Variants in PLK5 observed in about 807,000 individuals in gnomAD.
The protein encoded by PLK5 is polo like kinase 5 (inactive), also known as inactive serine/threonine-protein kinase PLK5.
Under a neutral mutation model 33.7 loss-of-function variants are expected in PLK5, and 28 were observed. That is an observed-to-expected ratio of 0.83 (90% CI 0.62 to 1.14). The LOEUF is 1.14. PLK5 is among the 50% of genes most tolerant of loss of function. The pLI, the probability that PLK5 is intolerant of heterozygous loss-of-function variation, is 0.00. For missense variants in PLK5, 492 were observed against 461.5 expected, an observed-to-expected ratio of 1.07 and a Z score of -0.61; for synonymous variants, 225 against 202.2, an observed-to-expected ratio of 1.11 and a Z score of -0.96.
At chr19:1,529,669 G>C in intron 10 of PLK5, 78 bp from the exon 11 acceptor site, 2 of 1,451,898 alleles carry the variant, frequency 1.4e-6, no homozygotes, top group Non-Finnish European at 1.9e-6. Context: ...GGATGGAGCC[G>C]TGGGGAGGGG....
chr19:1,532,408 G>A (rs1913957130), intron 12 of PLK5, among the ~76,000 whole-genome samples: 1 of 151,916 alleles, frequency 6.6e-6, no homozygotes, highest in Non-Finnish European at 1.5e-5. Flanking sequence ...GCGTGGTGGT[G>A]CACACCGGTA....
chr19:1,528,066 C>T lies in PLK5; in HGVS notation c.133C>T (p.Leu45Phe), dbSNP rs1177689571. Residue 45 changes from leucine (L) to phenylalanine (F), a missense_variant, in exon 7 of 14, where the codon CTC (leucine) becomes TTC (phenylalanine). Leu to Phe is a conservative substitution (Grantham distance 22). Transcript: ENST00000454744. ...SANARRLIVH[L>F]LAPNPAERPS... ...CAATGCGCGCCGCCTCATCGTGCACCTCCTAGCACCCAACCCGGCCGAGCG... is the reference window on the plus strand; with the variant it reads ...CAATGCGCGCCGCCTCATCGTGCACTTCCTAGCACCCAACCCGGCCGAGCG... The T allele has an allele frequency of 5.9e-6, 9 of 1,535,980 alleles. No individual in the cohort carries two copies. Among genetic ancestry groups the T allele is most frequent in the Non-Finnish European group, 7.8e-6 (9 of 1,146,868 alleles).
Position 1,527,919 on chromosome 19 carries a change from C to T in PLK5, c.3-17C>T, listed in dbSNP as rs1205913851. On this transcript the variant is annotated splice_polypyrimidine_tract_variant and intron_variant, in intron 6 of 13. Coordinates refer to ENST00000454744, the MANE Select transcript of PLK5 (RefSeq NM_001243079.2). ...CGATGCCTGGACACCCAGGTTCTTG[C>T]CCCCCACCTGGCCCAGGTACACGGT... is the stretch of plus-strand genomic sequence containing the variant. The T allele has an allele frequency of 1.3e-6, 2 of 1,528,536 alleles. No homozygotes were observed. The highest frequency in any genetic ancestry group is 1.8e-6 in the Non-Finnish European group (2 of 1,141,750). The allele number at this position is 1,528,536 out of a possible 1,614,324, so 94.7% of individuals were successfully genotyped here.
At position 1,534,049 on chromosome 19, in the gene PLK5, C is replaced by T. The variant is rs767645700; in HGVS notation, c.825+8C>T. The T allele has an allele frequency of 9.6e-5, 147 of 1,533,280 alleles. 1 individual carries two copies. The African/African-American group carries it at 9.9e-4, about 10-fold the overall frequency. The allele number at this position is 1,533,280 out of a possible 1,614,324, so 95.0% of individuals were successfully genotyped here. On this transcript the variant is annotated splice_region_variant and intron_variant, in intron 13 of 13. Coordinates refer to ENST00000454744, the MANE Select transcript of PLK5 (RefSeq NM_001243079.2). ...AGCAATGGGATGGTGCAGGTGAGCC[C>T]GGGGCTCAAACTCGGGGCACTGGGG...
At chr19:1,531,963 G>A in intron 12 of PLK5, 80 bp downstream of exon 12, 3 of 1,395,018 alleles carry the variant, frequency 2.2e-6, no homozygotes, top group Non-Finnish European at 2.8e-6. Context: ...TATTTATTAA[G>A]CACCTACTGT....
rs1447583415 is a variant in PLK5 at position 1,536,031 on chromosome 19, C to G, written c.*781C>G. ...GGGACACAGTTGGCACAACCGTCAC[C>G]TGTGCTGCCCTGGGGTGGACGGTGC... On this transcript the variant is annotated 3_prime_UTR_variant, in exon 14 of 14. Transcript: ENST00000454744. The G allele has an allele frequency of 6.6e-6, 1 of 152,346 alleles. No homozygotes were observed. The highest frequency in any genetic ancestry group is 1.5e-5 in the Non-Finnish European group (1 of 68,206). 9.4% of individuals were successfully genotyped at this position (152,346 alleles called of 1,614,324 possible). A position where few individuals can be genotyped will look rare whatever the true frequency, so the allele number is the denominator to read the frequency against.
chr19:1,532,280 C>G (rs935539121), intron 12 of PLK5, among the ~76,000 whole-genome samples: 1 of 152,088 alleles, frequency 6.6e-6, no homozygotes, highest in African/African-American at 2.4e-5. Context: ...GTGGCACACA[C>G]CTATAATCCT....
Position 1,535,329 on chromosome 19 carries a change from A to AG in PLK5, c.*80dup. ...CCATTTCCATTCCTGTGGCTCCCCC[A>AG]GAGGGGCTGTCCTGGGGGAGGGCTG... On this transcript the variant is annotated 3_prime_UTR_variant, in exon 14 of 14. Coordinates refer to ENST00000454744, the MANE Select transcript of PLK5 (RefSeq NM_001243079.2). 6.9e-7 allele frequency: 1 copy of AG among 1,440,714 alleles called. No homozygotes were observed. Among genetic ancestry groups the AG allele is most frequent in the Non-Finnish European group, 9.2e-7 (1 of 1,082,710 alleles). The allele number at this position is 1,440,714 out of a possible 1,614,324, so 89.2% of individuals were successfully genotyped here.
chr19:1,530,233 C>T (rs1393856428), intron 11 of PLK5, among the ~76,000 whole-genome samples: 7 of 152,128 alleles, frequency 4.6e-5, no homozygotes, highest in Non-Finnish European at 1.0e-4. Flanking sequence ...CATACTGCCA[C>T]CCTTAGAGAG....
chr19:1,527,830 G>A (rs902629041), intron 6 of PLK5, 106 bp from the exon 7 acceptor site: 26 of 1,160,574 alleles, frequency 2.2e-5, no homozygotes, highest in South Asian at 4.5e-5. Context: ...TGAGGAAGCC[G>A]ATATGGGTTG....
At chr19:1,534,463 C>T (rs1415836122) in intron 13 of PLK5, among the ~76,000 whole-genome samples, 5 of 145,186 alleles carry the variant, frequency 3.4e-5, no homozygotes, top group South Asian at 4.3e-4. Context: ...GCCGAGATCA[C>T]GCCACAGCAC....
At chr19:1,527,134 A>G (rs2145540505) in intron 6 of PLK5, 136 bp downstream of exon 6, 2 of 930,736 alleles carry the variant, frequency 2.1e-6, no homozygotes, top group South Asian at 3.3e-5. Context: ...CCAAGTGTGC[A>G]GTATGAACAG....
intron 10 of PLK5, 120 bp downstream of exon 10, chr19:1,529,610 C>T (rs963771981): frequency 2.1e-5 from 29 of 1,411,524 alleles, no homozygotes; most frequent in East Asian, 7.5e-5. Flanking sequence ...TCACCTTTCC[C>T]GCCTGTCAAA....
At chr19:1,531,977 C>T (rs909481145) in intron 12 of PLK5, 94 bp downstream of exon 12, 5 of 1,316,528 alleles carry the variant, frequency 3.8e-6, no homozygotes, top group Non-Finnish European at 4.9e-6. Flanking sequence ...CTACTGTGCA[C>T]ACCTACAGGT....
In PLK5 at chr19:1,535,153, G is replaced by C; in HGVS notation, c.914G>C (p.Gly305Ala). ...ACCCTCTGGGAGCAGGGGTCCCCTG[G>C]CACCTCCTACTCCCTGGACGTCCCG... ...QLTLWEQGSP[G>A]TSYSLDVPRS... Residue 305 changes from glycine (G) to alanine (A), a missense_variant, in exon 14 of 14, where the codon GGC (glycine) becomes GCC (alanine). Transcript: ENST00000454744. 1.3e-6 allele frequency: 2 copies of C among 1,535,774 alleles called. No homozygotes were observed. Among genetic ancestry groups the C allele is most frequent in the Non-Finnish European group, 1.7e-6 (2 of 1,146,772 alleles).
intron 11 of PLK5, among the ~76,000 whole-genome samples, chr19:1,530,900 A>G (rs12610176): frequency 1 from 151,750 of 151,750 alleles, 75,875 homozygotes; most frequent in Non-Finnish European, 1. Flanking sequence ...TTACAGGTAT[A>G]AGCCACCGCG....
rs1914073863 is a variant in PLK5, at chr19:1,535,597, CCA to C, written c.*348_*349del. The C allele has an allele frequency of 3.5e-6, 1 of 282,904 alleles. No individual in the cohort carries two copies. Among genetic ancestry groups the C allele is most frequent in the Admixed American group, 5.6e-5 (1 of 17,940 alleles). 17.5% of individuals were successfully genotyped at this position (282,904 alleles called of 1,614,324 possible). A position where few individuals can be genotyped will look rare whatever the true frequency, so the allele number is the denominator to read the frequency against. The stretch of plus-strand genomic sequence containing the variant: ...ATTTTCACTAATGCAGACATTAGCA[CCA>C]GAGGCCAGTGTAGTGGCTCATGCCT... On this transcript the variant is annotated 3_prime_UTR_variant, in exon 14 of 14. Coordinates refer to ENST00000454744, the MANE Select transcript of PLK5 (RefSeq NM_001243079.2).
intron 13 of PLK5, among the ~76,000 whole-genome samples, chr19:1,534,360 A>G (rs1478526183): frequency 2.0e-5 from 3 of 151,476 alleles, no homozygotes; most frequent in African/African-American, 7.3e-5. Context: ...TACAAAAATT[A>G]GCTGGGCGTG....
intron 8 of PLK5, among the ~76,000 whole-genome samples, 159 bp from the exon 9 acceptor site, chr19:1,528,739 T>C (rs915308522): frequency 6.9e-6 from 1 of 144,600 alleles, no homozygotes; most frequent in African/African-American, 2.6e-5. Flanking sequence ...TGCCCCCACC[T>C]GCCCACACCT....
Sources: gnomAD v4.1 joint callset for allele counts (sites outside exome capture counted in the v4.1 genomes callset) on GRCh38, gnomAD v4.1.1 for gene constraint, MANE v1.5 for transcripts, NCBI Gene and HGNC (gene_info 2026-07-23, HGNC 2026-07-21) for gene names.